DRD2: variants seen among roughly 807,000 people sequenced by gnomAD.
The protein encoded by DRD2 is dopamine receptor D2, also known as D(2) dopamine receptor.
DRD2 carries 8 observed loss-of-function variants against 38.0 expected under a neutral mutation model. The observed-to-expected ratio is 0.21, with a 90% CI of 0.12 to 0.38. The LOEUF (loss-of-function observed/expected upper bound fraction) is 0.38. DRD2 is among the 10% of genes least tolerant of loss of function. DRD2 has a pLI of 1.00. For synonymous variants in DRD2, 230 were observed against 238.6 expected (o/e 0.96, Z 0.33); for missense variants, 403 against 607.7 (o/e 0.66, Z 3.54).
At chr11:113,459,807 A>G (rs556930194) in intron 1 of DRD2, among the ~76,000 whole-genome samples, 9 of 152,324 alleles carry the variant, frequency 5.9e-5, no homozygotes, top group African/African-American at 2.2e-4. Context: ...ACATAAAGGA[A>G]AGATAAATGT....
intron 1 of DRD2, among the ~76,000 whole-genome samples, chr11:113,454,757 A>C (rs988443092): frequency 5.3e-5 from 8 of 152,240 alleles, no homozygotes; most frequent in African/African-American, 1.9e-4. Flanking sequence ...ATCCACATAC[A>C]ATGGGATATT....
intron 1 of DRD2, among the ~76,000 whole-genome samples, chr11:113,469,377 G>T (rs1353477166): frequency 2.0e-5 from 3 of 152,240 alleles, no homozygotes; most frequent in Admixed American, 6.5e-5. Flanking sequence ...CATACACAAA[G>T]ATTACTGCCC....
chr11:113,423,041 G>T (rs1422036185), intron 2 of DRD2, among the ~76,000 whole-genome samples: 1 of 152,064 alleles, frequency 6.6e-6, no homozygotes, highest in Non-Finnish European at 1.5e-5. Flanking sequence ...CTCCCAGATT[G>T]CTTGAGTCCT....
At position 113,469,283 on chromosome 11, in the gene DRD2, G is replaced by A. The variant is rs116019082; in HGVS notation, c.-32+5793C>T. Among the ~76,000 whole-genome samples, 667 of 152,136 alleles carry A rather than the reference G, an allele frequency of 4.4e-3. 3 individuals carry two copies. The highest frequency in any genetic ancestry group is 0.015 in the African/African-American group (608 of 41,500). On this transcript the variant is annotated intron_variant, in intron 1 of 7. Coordinates refer to ENST00000362072, the MANE Select transcript of DRD2 (RefSeq NM_000795.4). ...AGATCCAGGTACAGAACACTTCCTC[G>A]CTGGTTCTCAAATTTAAGAATCCCA...
At chr11:113,443,661 C>T (rs762955768) in intron 1 of DRD2, among the ~76,000 whole-genome samples, 4 of 152,166 alleles carry the variant, frequency 2.6e-5, no homozygotes, top group Non-Finnish European at 5.9e-5. Flanking sequence ...TAGTCCTCTG[C>T]CAAACCTGTG....
At chr11:113,411,042 T>G in intron 7 of DRD2, 122 bp from the exon 8 acceptor site, 1 of 1,079,342 alleles carries the variant, frequency 9.3e-7, no homozygotes, top group South Asian at 1.6e-5. Flanking sequence ...AGAAGCACTG[T>G]AGGAGGAGTC....
At chr11:113,447,495 G>T (rs1232960432) in intron 1 of DRD2, 1 of 150,578 alleles carries the variant, frequency 6.6e-6, no homozygotes, top group Non-Finnish European at 1.5e-5. Context: ...AAAAAGGAGA[G>T]AAAGAAAGAA....
intron 1 of DRD2, among the ~76,000 whole-genome samples, chr11:113,460,208 G>A (rs1340058929): frequency 2.6e-5 from 4 of 152,214 alleles, no homozygotes; most frequent in African/African-American, 9.6e-5. Context: ...CTGCTCCAGG[G>A]TCGAAGCTGC....
chr11:113,466,775 C>A (rs1484863260), intron 1 of DRD2, among the ~76,000 whole-genome samples: 1 of 152,182 alleles, frequency 6.6e-6, no homozygotes, highest in Non-Finnish European at 1.5e-5. Flanking sequence ...AAGTAACTAC[C>A]AAGTGCCTAG....
At chr11:113,442,762 C>T (rs1213748024) in intron 1 of DRD2, among the ~76,000 whole-genome samples, 2 of 152,286 alleles carry the variant, frequency 1.3e-5, no homozygotes, top group Admixed American at 1.3e-4. Flanking sequence ...AACTGAGGTG[C>T]GTGTCACAGA....
At chr11:113,411,788 G>GAC (rs1950772153) in intron 7 of DRD2, 3 of 152,378 alleles carry the variant, frequency 2.0e-5, no homozygotes, top group Non-Finnish European at 4.4e-5. Context: ...GGAGGTAACA[G>GAC]CTGCCCCACT....
intron 7 of DRD2, chr11:113,411,737 A>G (rs1950771673): frequency 6.6e-6 from 1 of 152,300 alleles, no homozygotes; most frequent in Non-Finnish European, 1.5e-5. Flanking sequence ...CATGATCGTG[A>G]GTAGTCCCAT....
chr11:113,473,354 C>T (rs867041768), intron 1 of DRD2, among the ~76,000 whole-genome samples: 3 of 152,118 alleles, frequency 2.0e-5, no homozygotes, highest in Admixed American at 1.3e-4. Context: ...CCTGGGCCTC[C>T]GCTTGAGATT....
At chr11:113,420,108 C>T (rs970027546) in intron 2 of DRD2, among the ~76,000 whole-genome samples, 1 of 152,226 alleles carries the variant, frequency 6.6e-6, no homozygotes. Context: ...ACCTGATTTA[C>T]ATCCCACTTT....
At position 113,410,936 on chromosome 11, in the gene DRD2, T is replaced by C. The variant is rs1375085026; in HGVS notation, c.1139-16A>G. 6.2e-6 allele frequency: 10 copies of C among 1,600,726 alleles called. No individual in the cohort carries two copies. Among genetic ancestry groups the C allele is most frequent in the East Asian group, 4.5e-5 (2 of 44,638 alleles). ...ATGAACACGCCTGGGGGAGAGGGCA[T>C]GGTCAGGCTGGTCCCCAGAGCCGGG... On this transcript the variant is annotated splice_polypyrimidine_tract_variant and intron_variant, in intron 7 of 7. Transcript: ENST00000362072.
intron 1 of DRD2, among the ~76,000 whole-genome samples, chr11:113,433,585 G>C (rs1951008790): frequency 6.6e-6 from 1 of 152,168 alleles, no homozygotes; most frequent in Admixed American, 6.5e-5. Flanking sequence ...TTCTTCAGAG[G>C]CAGCGAGGCA....
intron 5 of DRD2, among the ~76,000 whole-genome samples, chr11:113,414,752 C>G (rs1298608109): frequency 6.6e-6 from 1 of 152,230 alleles, no homozygotes; most frequent in Non-Finnish European, 1.5e-5. Context: ...CAAGACCACC[C>G]TGTGAGGCTG....
chr11:113,457,198 C>T (rs1014391467), intron 1 of DRD2, among the ~76,000 whole-genome samples: 5 of 152,206 alleles, frequency 3.3e-5, no homozygotes, highest in Admixed American at 2.0e-4. Context: ...AGTCACTCAA[C>T]CTCTGTGAGG....
chr11:113,436,430 C>G (rs1263190766), intron 1 of DRD2, among the ~76,000 whole-genome samples: 1 of 152,138 alleles, frequency 6.6e-6, no homozygotes, highest in Non-Finnish European at 1.5e-5. Flanking sequence ...TCAAAGAAAC[C>G]AATTTTTTAA....
Sources: gnomAD v4.1 joint callset for allele counts (sites outside exome capture counted in the v4.1 genomes callset) on GRCh38, gnomAD v4.1.1 for gene constraint, MANE v1.5 for transcripts, NCBI Gene and HGNC (gene_info 2026-07-23, HGNC 2026-07-21) for gene names.